The following MYO3A variants were observed in gnomAD, a reference collection of about 807,000 sequenced individuals.
MYO3A encodes myosin-IIIa.
MYO3A carries 180 observed loss-of-function variants against 192.7 expected under a neutral mutation model. The ratio of observed to expected loss-of-function variants is 0.93; its 90% CI spans 0.83 to 1.06. The LOEUF (loss-of-function observed/expected upper bound fraction) is 1.06. Ranked by LOEUF, MYO3A falls within the 50% of genes least tolerant of loss-of-function variation. The pLI is 0.00. For missense variants in MYO3A, 1,896 were observed against 1,905.0 expected (o/e 1.00, Z 0.09); for synonymous variants, 628 against 645.3 (o/e 0.97, Z 0.41).
intron 10 of MYO3A, among the ~76,000 whole-genome samples, chr10:26,048,220 G>C (rs1843744962): frequency 6.6e-6 from 1 of 152,178 alleles, no homozygotes. Flanking sequence ...CTGTTCAGTT[G>C]CCCTAATCTT....
At chr10:26,093,886 C>T (rs760966608) in intron 15 of MYO3A, among the ~76,000 whole-genome samples, 31 of 152,158 alleles carry the variant, frequency 2.0e-4, no homozygotes, top group Non-Finnish European at 3.4e-4. Context: ...TTCCCATAGC[C>T]CTTTTCTTTT....
chr10:26,048,090 A>G (rs1843735625), intron 10 of MYO3A, among the ~76,000 whole-genome samples: 1 of 152,128 alleles, frequency 6.6e-6, no homozygotes, highest in Non-Finnish European at 1.5e-5. Flanking sequence ...GATAAGGGGG[A>G]GAAATATTTT....
At position 26,032,992 on chromosome 10, in the gene MYO3A, A is replaced by G. The variant is rs932864065; in HGVS notation, c.953+6460A>G. On this transcript the variant is annotated intron_variant, in intron 10 of 34. Transcript: ENST00000642920. Reference sequence around the variant, plus strand: ...TGTTTTCAATTCCTATCTCCACATGACTGAAAGATACTTCAAACTCAACAT... The same window carrying G: ...TGTTTTCAATTCCTATCTCCACATGGCTGAAAGATACTTCAAACTCAACAT... Among the ~76,000 whole-genome samples the G allele has an allele frequency of 5.3e-5, 8 of 152,286 alleles. No homozygotes were observed. The South Asian group carries it at 1.2e-3, about 24-fold the overall frequency.
intron 10 of MYO3A, among the ~76,000 whole-genome samples, chr10:26,034,590 A>T (rs1246067439): frequency 6.6e-6 from 1 of 152,246 alleles, no homozygotes. Context: ...TCATGAATCA[A>T]GAAACTGGAT....
At chr10:26,168,645 A>G in intron 27 of MYO3A, 67 bp from the exon 28 acceptor site, 3 of 1,513,678 alleles carry the variant, frequency 2.0e-6, no homozygotes, top group Non-Finnish European at 1.8e-6. Context: ...CTGTTCTTCA[A>G]AGCACAGCAC....
At chr10:25,939,795 G>A (rs995698264) in intron 2 of MYO3A, among the ~76,000 whole-genome samples, 4 of 151,206 alleles carry the variant, frequency 2.6e-5, no homozygotes, top group Admixed American at 6.6e-5. Context: ...ACATTTTTTT[G>A]TTTAGTTAAT....
At chr10:26,033,186 G>C (rs1207761109) in intron 10 of MYO3A, among the ~76,000 whole-genome samples, 1 of 152,080 alleles carries the variant, frequency 6.6e-6, no homozygotes, top group African/African-American at 2.4e-5. Context: ...CGATTCTCCT[G>C]CTTCAGCCTC....
chr10:25,972,565 C>T (rs952573059), intron 4 of MYO3A, among the ~76,000 whole-genome samples: 15 of 152,040 alleles, frequency 9.9e-5, no homozygotes, highest in Admixed American at 1.3e-4. Flanking sequence ...TATAAGAAGT[C>T]TTCGTACTAA....
chr10:26,141,136 C>G (rs1448013556), intron 20 of MYO3A, among the ~76,000 whole-genome samples: 2 of 151,964 alleles, frequency 1.3e-5, no homozygotes, highest in African/African-American at 4.8e-5. Flanking sequence ...ACTGTGACAG[C>G]TAGGATGGTC....
At chr10:25,995,155 C>G (rs1320525602) in intron 4 of MYO3A, among the ~76,000 whole-genome samples, 2 of 152,208 alleles carry the variant, frequency 1.3e-5, no homozygotes, top group Non-Finnish European at 2.9e-5. Flanking sequence ...ACCAATCAGA[C>G]GTAGATTTGG....
At position 26,153,987 on chromosome 10, in the gene MYO3A, A is replaced by C. The variant is rs1042314898; in HGVS notation, c.2715+58A>C. 2.9e-5 allele frequency: 35 copies of C among 1,212,880 alleles called. No homozygotes were observed. The African/African-American group carries it at 4.9e-4, about 17-fold the overall frequency. 75.1% of individuals were successfully genotyped at this position (1,212,880 alleles called of 1,614,324 possible). ...CTAAGAATCTAACCGGTATGATGGC[A>C]ATATTTGTATGCTTCTCAAAGTCAA... On this transcript the variant is annotated intron_variant, in intron 24 of 34. Transcript: ENST00000642920.
At chr10:26,209,727 C>T (rs943996290) in intron 34 of MYO3A, among the ~76,000 whole-genome samples, 12 of 152,190 alleles carry the variant, frequency 7.9e-5, no homozygotes, top group Non-Finnish European at 1.5e-5. Flanking sequence ...TTTCACTGAT[C>T]TCTCAGTAAT....
chr10:25,939,908 T>C (rs1564387496), intron 2 of MYO3A, among the ~76,000 whole-genome samples: 2 of 152,058 alleles, frequency 1.3e-5, no homozygotes, highest in African/African-American at 4.8e-5. Flanking sequence ...GGTTCTGTTT[T>C]GAGTTTTTGT....
intron 4 of MYO3A, among the ~76,000 whole-genome samples, chr10:25,980,936 A>C (rs1280093814): frequency 1.3e-5 from 2 of 152,172 alleles, no homozygotes; most frequent in Non-Finnish European, 2.9e-5. Flanking sequence ...GATCTGTATC[A>C]ATCATTACAG....
chr10:26,104,564 T>C (rs1837672553), intron 17 of MYO3A, among the ~76,000 whole-genome samples: 1 of 152,156 alleles, frequency 6.6e-6, no homozygotes, highest in African/African-American at 2.4e-5. Flanking sequence ...GTATCACACA[T>C]GAGTATCGCA....
rs563516975 is a variant in MYO3A at position 26,020,357 on chromosome 10, TA to T, written c.586-1143del. Among the ~76,000 whole-genome samples, 5 of 152,350 alleles carry T rather than the reference TA, an allele frequency of 3.3e-5. No individual in the cohort carries two copies. In the East Asian group the frequency reaches 9.6e-4, roughly 29 times the overall value. ...CATTGCCATTAGTGTCAGGTATTAA[TA>T]AAGATTTATTTATGAAGTAGTCACC... On this transcript the variant is annotated intron_variant, in intron 7 of 34. Transcript: ENST00000642920.
chr10:25,945,059 G>T (rs1380424270), intron 2 of MYO3A, among the ~76,000 whole-genome samples: 1 of 151,922 alleles, frequency 6.6e-6, no homozygotes, highest in African/African-American at 2.4e-5. Context: ...ACTTTTGCTG[G>T]ATTCTGTAAG....
At chr10:26,009,264 T>G (rs563057890) in intron 6 of MYO3A, among the ~76,000 whole-genome samples, 77 of 152,044 alleles carry the variant, frequency 5.1e-4, no homozygotes, top group African/African-American at 1.8e-3. Context: ...CTTTAGGAGA[T>G]ATACCTAATG....
chr10:25,956,176 T>C (rs1023716660), intron 4 of MYO3A, among the ~76,000 whole-genome samples: 2 of 152,318 alleles, frequency 1.3e-5, no homozygotes, highest in Admixed American at 1.3e-4. Context: ...GATGCCTTCA[T>C]GGCCTAATTA....
Sources: gnomAD v4.1 joint callset for allele counts (sites outside exome capture counted in the v4.1 genomes callset) on GRCh38, gnomAD v4.1.1 for gene constraint, MANE v1.5 for transcripts, NCBI Gene and HGNC (gene_info 2026-07-23, HGNC 2026-07-21) for gene names.